SYNGR1: variants seen among roughly 807,000 people sequenced by gnomAD.
SYNGR1 encodes the protein synaptogyrin 1.
SYNGR1 carries 14 observed loss-of-function variants against 26.1 expected under a neutral mutation model. The ratio of observed to expected loss-of-function variants is 0.54; its 90% confidence interval spans 0.35 to 0.84. SYNGR1 has a LOEUF of 0.84. SYNGR1 is among the 40% of genes least tolerant of loss of function. The pLI is 0.01. For synonymous variants in SYNGR1, 141 were observed against 150.1 expected, an observed-to-expected ratio of 0.94 and a Z score of 0.44; for missense variants, 319 against 332.9, an observed-to-expected ratio of 0.96 and a Z score of 0.33.
Position 39,374,434 on chromosome 22 carries a change from C to T in SYNGR1, c.218C>T (p.Ala73Val), listed in dbSNP as rs1271225955. The change falls in exon 2 of 4, where the codon GCC (alanine) becomes GTC (valine). Residue 73 changes from alanine (A) to valine (V), a missense_variant. By Grantham distance (64) the Ala-to-Val change is moderately conservative (BLOSUM62 0). Transcript: ENST00000328933. ...CCCAACGCCTGCAGCTATGGCGTGG[C>T]CGTGGGCGTGCTCGCCTTCCTCACC... ...RNPNACSYGV[A>V]VGVLAFLTCL... 6.2e-7 allele frequency: 1 copy of T among 1,614,010 alleles called. No individual in the cohort carries two copies. Among genetic ancestry groups the T allele is most frequent in the Admixed American group, 1.7e-5 (1 of 60,022 alleles).
chr22:39,381,767 C>T lies in SYNGR1; in HGVS notation c.555C>T (p.Tyr185=). The T allele has an allele frequency of 1.2e-6, 2 of 1,613,468 alleles. No homozygotes were observed. The highest frequency in any genetic ancestry group is 1.3e-5 in the African/African-American group (1 of 75,044). Residue 185 remains tyrosine (Y), a synonymous_variant, in exon 4 of 4, where the codon TAC becomes TAT. Coordinates refer to ENST00000328933, the MANE Select transcript of SYNGR1 (RefSeq NM_004711.5). ...ACTCGGCCCTCTTCTCCCAGGACTA[C>T]ATGGACCCCAGCCAGGACTCCAGCA... ...GADSALFSQD[Y]MDPSQDSSMP... is the part of the protein sequence containing the mutation.
chr22:39,373,520 T>A (rs1225775242), intron 1 of SYNGR1, among the ~76,000 whole-genome samples: 1 of 152,016 alleles, frequency 6.6e-6, no homozygotes, highest in East Asian at 1.9e-4. Flanking sequence ...CCTCTCTCTG[T>A]CACCCAGGCT....
intron 3 of SYNGR1, among the ~76,000 whole-genome samples, chr22:39,381,381 T>C (rs1925492382): frequency 6.6e-6 from 1 of 152,170 alleles, no homozygotes; most frequent in South Asian, 2.1e-4. Context: ...CTTTGAGCCA[T>C]CTTAACACTC....
Position 39,376,197 on chromosome 22 carries a change from G to T in SYNGR1, c.483G>T (p.Trp161Cys). 6.2e-7 allele frequency: 1 copy of T among 1,614,000 alleles called. No individual in the cohort carries two copies. The highest frequency in any genetic ancestry group is 8.5e-7 in the Non-Finnish European group (1 of 1,180,028). Reference protein sequence around the residue: ...IAFSFFSIFTWAGQAVLAFQR... With the variant: ...IAFSFFSIFTCAGQAVLAFQR... ...TCTCCTTTTTCTCCATCTTCACCTG[G>T]GTGAGTACAGCCACCGCGCACCAGC... Residue 161 changes from tryptophan (W) to cysteine (C), a missense_variant and splice_region_variant, in exon 3 of 4, where the codon TGG becomes TGT. Trp to Cys is a radical substitution (Grantham distance 215). Coordinates refer to ENST00000328933, the MANE Select transcript of SYNGR1 (RefSeq NM_004711.5).
At chr22:39,373,467 G>A (rs534109486) in intron 1 of SYNGR1, among the ~76,000 whole-genome samples, 2 of 150,184 alleles carry the variant, frequency 1.3e-5, no homozygotes, top group East Asian at 2.0e-4. Context: ...CGCCTGGCCC[G>A]AGAGTTTTTT....
At chr22:39,379,311 C>A (rs1254316486) in intron 3 of SYNGR1, among the ~76,000 whole-genome samples, 1 of 152,180 alleles carries the variant, frequency 6.6e-6, no homozygotes, top group African/African-American at 2.4e-5. Context: ...TGCTTCCCCT[C>A]AGAACTTTGG....
chr22:39,382,681 T>G lies in SYNGR1; in HGVS notation c.*767T>G, dbSNP rs1339027081. 1 of 153,042 alleles carries G rather than the reference T, an allele frequency of 6.5e-6. No individual in the cohort carries two copies. The highest frequency in any genetic ancestry group is 1.9e-4 in the East Asian group (1 of 5,196). The allele number at this position is 153,042 out of a possible 1,614,324, so 9.5% of individuals were successfully genotyped here. A position where few individuals can be genotyped will look rare whatever the true frequency, so the allele number is the denominator to read the frequency against. On this transcript the variant is annotated 3_prime_UTR_variant, in exon 4 of 4. Coordinates refer to ENST00000328933, the MANE Select transcript of SYNGR1 (RefSeq NM_004711.5). ...GCCCCTTGAGACACCCTGATTCTGC[T>G]GCATGCCAAGGGCCTGTTCTGCCCC...
At chr22:39,357,848 C>A (rs1049617922) in intron 1 of SYNGR1, among the ~76,000 whole-genome samples, 1 of 152,254 alleles carries the variant, frequency 6.6e-6, no homozygotes, top group African/African-American at 2.4e-5. Flanking sequence ...GGGCAGGGCT[C>A]GGGACCTGCA....
intron 3 of SYNGR1, chr22:39,378,040 G>T (rs967646142): frequency 8.6e-5 from 103 of 1,193,098 alleles, no homozygotes; most frequent in Non-Finnish European, 1.1e-4. Context: ...CAGGTAGGTA[G>T]CGGCCCCATA....
At chr22:39,365,163 G>A (rs1020788094) in intron 1 of SYNGR1, among the ~76,000 whole-genome samples, 1 of 152,134 alleles carries the variant, frequency 6.6e-6, no homozygotes, top group Non-Finnish European at 1.5e-5. Flanking sequence ...CCGCTTGTTG[G>A]ATGAATTTTC....
intron 1 of SYNGR1, chr22:39,364,314 T>C (rs1295115858): frequency 8.1e-6 from 13 of 1,611,828 alleles, no homozygotes. Context: ...CCCCATCTGC[T>C]GTGGGTCAGC....
intron 1 of SYNGR1, among the ~76,000 whole-genome samples, chr22:39,363,621 C>T (rs1348107328): frequency 6.6e-6 from 1 of 152,016 alleles, no homozygotes; most frequent in East Asian, 1.9e-4. Flanking sequence ...CAGGGCCATT[C>T]TAGGGTGATG....
intron 1 of SYNGR1, among the ~76,000 whole-genome samples, chr22:39,355,529 C>T (rs983213704): frequency 1.8e-4 from 27 of 152,334 alleles, no homozygotes; most frequent in African/African-American, 6.5e-4. Context: ...TAGATTTCTG[C>T]TGTGTTTTGG....
At chr22:39,360,652 A>G (rs1414356037) in intron 1 of SYNGR1, among the ~76,000 whole-genome samples, 1 of 152,088 alleles carries the variant, frequency 6.6e-6, no homozygotes, top group African/African-American at 2.4e-5. Flanking sequence ...CACGGGCCGG[A>G]TGAGGTGCCT....
chr22:39,375,755 C>G, intron 2 of SYNGR1: 1 of 601,390 alleles, frequency 1.7e-6, no homozygotes, highest in Middle Eastern at 3.5e-4. Context: ...CTTTCTCTGT[C>G]TCTCCCTCCA....
intron 1 of SYNGR1, among the ~76,000 whole-genome samples, chr22:39,356,262 C>T (rs1192960735): frequency 6.6e-6 from 1 of 152,024 alleles, no homozygotes; most frequent in Non-Finnish European, 1.5e-5. Context: ...ATCATGTTGG[C>T]CAGGCTGGTC....
intron 1 of SYNGR1, among the ~76,000 whole-genome samples, chr22:39,360,620 T>C (rs1218468451): frequency 2.0e-5 from 3 of 152,184 alleles, no homozygotes; most frequent in African/African-American, 7.2e-5. Flanking sequence ...CCGCTCGTCC[T>C]CTCTTTAATA....
chr22:39,360,374 G>A (rs952971733), intron 1 of SYNGR1, among the ~76,000 whole-genome samples: 1 of 152,116 alleles, frequency 6.6e-6, no homozygotes, highest in South Asian at 2.1e-4. Flanking sequence ...CCGTCTCCAG[G>A]GTTTCTTCTG....
intron 1 of SYNGR1, among the ~76,000 whole-genome samples, chr22:39,352,765 G>C (rs747351096): frequency 1.3e-5 from 2 of 152,182 alleles, no homozygotes; most frequent in Non-Finnish European, 2.9e-5. Context: ...CAGACAAACA[G>C]GGACAATTTG....
Sources: gnomAD v4.1 joint callset for allele counts (sites outside exome capture counted in the v4.1 genomes callset) on GRCh38, gnomAD v4.1.1 for gene constraint, MANE v1.5 for transcripts, NCBI Gene and HGNC (gene_info 2026-07-23, HGNC 2026-07-21) for gene names.